The following ADCY3 variants were observed in gnomAD, a reference collection of about 807,000 sequenced individuals.
The protein encoded by ADCY3 is adenylate cyclase 3, also known as adenylate cyclase type 3.
ADCY3 carries 70 observed loss-of-function variants against 119.4 expected under a neutral mutation model. That is an observed-to-expected ratio of 0.59 (90% confidence interval 0.48 to 0.72). ADCY3 has a LOEUF of 0.72. Ranked by LOEUF, ADCY3 falls within the 30% of genes least tolerant of loss-of-function variation. The pLI, the probability that ADCY3 is intolerant of heterozygous loss-of-function variation, is 0.00. For synonymous variants in ADCY3, 672 were observed against 621.4 expected (o/e 1.08, Z -1.21); for missense variants, 1,238 against 1,541.6 (o/e 0.80, Z 3.30).
At chr2:24,879,106 C>T (rs1301886845) in intron 2 of ADCY3, among the ~76,000 whole-genome samples, 1 of 152,102 alleles carries the variant, frequency 6.6e-6, no homozygotes. Flanking sequence ...GGCTGTGTGC[C>T]CTGGAGCAAG....
chr2:24,842,398 G>A lies in ADCY3; in HGVS notation c.826-14C>T, dbSNP rs952802184. 4 of 1,613,962 alleles carry A rather than the reference G, an allele frequency of 2.5e-6. No homozygotes were observed. The African/African-American group carries it at 4.0e-5, about 16-fold the overall frequency. On this transcript the variant is annotated splice_polypyrimidine_tract_variant and intron_variant, in intron 3 of 21. Transcript: ENST00000679454. The surrounding 1 kb of genome is among the most constrained non-coding windows in gnomAD (Gnocchi z 4.9). ...CATGAGGTTCTCCTGTGAGGGGCAG[G>A]AGAGGGTCAGAGGCAAAGGTAGGCC...
intron 3 of ADCY3, among the ~76,000 whole-genome samples, chr2:24,857,766 G>A (rs967091524): frequency 2.0e-5 from 3 of 152,118 alleles, no homozygotes; most frequent in Non-Finnish European, 4.4e-5. Context: ...CAGCAACTCA[G>A]TACCACCCTG....
At chr2:24,875,238 A>C (rs982420346) in intron 2 of ADCY3, among the ~76,000 whole-genome samples, 2 of 152,192 alleles carry the variant, frequency 1.3e-5, no homozygotes. Context: ...AACTTGCCTC[A>C]ACTGAGGAGG....
chr2:24,862,633 C>T (rs1018020495), intron 3 of ADCY3, among the ~76,000 whole-genome samples: 5 of 151,592 alleles, frequency 3.3e-5, no homozygotes, highest in Admixed American at 2.0e-4. Context: ...GAAGATGTTG[C>T]GGAACTAGCT....
rs557596892 is a variant in ADCY3 at position 24,849,813 on chromosome 2, C to G, written c.826-7429G>C. ...GGAGGGGCCCTCCCCCTGCCACCCC[C>G]CAAGCCTCAGGGCCTCTGGCAACCG... is the stretch of plus-strand genomic sequence containing the variant. On this transcript the variant is annotated intron_variant, in intron 3 of 21. Transcript: ENST00000679454. Among the ~76,000 whole-genome samples the G allele has an allele frequency of 5.6e-4, 86 of 152,272 alleles. 2 individuals are homozygous for G. Among genetic ancestry groups the G allele is most frequent in the African/African-American group, 2.0e-3 (84 of 41,564 alleles).
chr2:24,828,045 G>A lies in ADCY3; in HGVS notation c.2289C>T (p.Ile763=), dbSNP rs750011135. ...TGACCTGCACCAGCATGATGGTGGC[G>A]ATGAGGGACAGCACGGCCACATAGT... The part of the protein sequence containing the change: ...YYNYVAVLSL[I]ATIMLVQVSH... Residue 763 remains isoleucine (I), a synonymous_variant, in exon 14 of 22, where the codon ATC becomes ATT. Coordinates refer to ENST00000679454, the MANE Select transcript of ADCY3 (RefSeq NM_004036.5). 6.8e-6 allele frequency: 11 copies of A among 1,614,230 alleles called. No homozygotes were observed. The highest frequency in any genetic ancestry group is 1.7e-5 in the Admixed American group (1 of 60,020).
chr2:24,829,523 C>G (rs1430189347), intron 13 of ADCY3, among the ~76,000 whole-genome samples: 4 of 146,240 alleles, frequency 2.7e-5, no homozygotes, highest in African/African-American at 7.6e-5. Context: ...CGGGTTCACG[C>G]CATTCTCCTG....
intron 3 of ADCY3, among the ~76,000 whole-genome samples, chr2:24,870,671 G>A (rs536479629): frequency 6.6e-6 from 1 of 152,186 alleles, no homozygotes; most frequent in African/African-American, 2.4e-5. Context: ...AGGAGCCCTG[G>A]GGCACCCAGG....
intron 2 of ADCY3, among the ~76,000 whole-genome samples, chr2:24,913,867 C>CGGAG (rs1664104250): frequency 6.6e-6 from 1 of 152,152 alleles, no homozygotes; most frequent in Non-Finnish European, 1.5e-5. Flanking sequence ...AATTTTGCTC[C>CGGAG]CAAATAGCCT....
intron 3 of ADCY3, among the ~76,000 whole-genome samples, chr2:24,847,960 G>A (rs1451122694): frequency 1.3e-5 from 2 of 152,258 alleles, no homozygotes; most frequent in East Asian, 1.9e-4. Context: ...CGGCCCTGGT[G>A]TGCTTGAGGC....
chr2:24,872,349 A>C lies in ADCY3; in HGVS notation c.825+221T>G, dbSNP rs757075545. ...AGGCAGAAGAGGAGAGATCTGGGTC[A>C]AGCAGAAGCAGATTTAGGAGTGAGA... is the stretch of plus-strand genomic sequence containing the variant. On this transcript the variant is annotated intron_variant, in intron 3 of 21. Coordinates refer to ENST00000679454, the MANE Select transcript of ADCY3 (RefSeq NM_004036.5). This position sits in a 1 kb window ranked among gnomAD's most constrained non-coding sequence, Gnocchi z 4.4. Among the ~76,000 whole-genome samples the C allele has an allele frequency of 2.0e-5, 3 of 152,238 alleles. No individual in the cohort carries two copies. The highest frequency in any genetic ancestry group is 4.4e-5 in the Non-Finnish European group (3 of 68,038).
intron 2 of ADCY3, among the ~76,000 whole-genome samples, chr2:24,902,034 CTGTGTGTGTGTGTGTG>C (rs57980321): frequency 0.032 from 3,894 of 122,322 alleles, 186 homozygotes; most frequent in African/African-American, 0.11. Flanking sequence ...CATTTTAACT[CTGTGTGTGTGTGTGTG>C]TGTGTGTGTG....
At chr2:24,893,645 C>CAG (rs1485737936) in intron 2 of ADCY3, among the ~76,000 whole-genome samples, 1 of 151,892 alleles carries the variant, frequency 6.6e-6, no homozygotes, top group Non-Finnish European at 1.5e-5. Flanking sequence ...CACTCTGTCG[C>CAG]CCAGGCTGGA....
rs762088130 is a variant in ADCY3, at chr2:24,918,811, C to T, written c.177G>A (p.Pro59=). Residue 59 remains proline (P), a synonymous_variant, in exon 2 of 22, where the codon CCG becomes CCA. Coordinates refer to ENST00000679454, the MANE Select transcript of ADCY3 (RefSeq NM_004036.5). This position sits in a 1 kb window ranked among gnomAD's most constrained non-coding sequence, Gnocchi z 5.4. ...LPRFMRLTFV[P]ESLENLYQTY... is the part of the protein sequence containing the mutation. ...TCTGGTAGAGGTTCTCCAAGGACTC[C>T]GGCACGAAAGTCAGCCGCATGAAGC... The T allele has an allele frequency of 3.7e-6, 6 of 1,613,648 alleles. No individual in the cohort carries two copies. The highest frequency in any genetic ancestry group is 1.3e-5 in the African/African-American group (1 of 74,918).
chr2:24,836,089 G>T lies in ADCY3; in HGVS notation c.1662+828C>A, dbSNP rs374289356. On this transcript the variant is annotated intron_variant, in intron 9 of 21. Transcript: ENST00000679454. ...GCAGCAGCGGGAACCTGTTCCTGAA[G>T]CAGATCCGGGAGCAGCGTGGCCCTG... Among the ~76,000 whole-genome samples the T allele has an allele frequency of 7.2e-5, 11 of 152,284 alleles. No homozygotes were observed. The South Asian group carries it at 2.3e-3, about 32-fold the overall frequency.
intron 13 of ADCY3, 82 bp from the exon 14 acceptor site, chr2:24,828,243 A>C: frequency 6.6e-7 from 1 of 1,524,632 alleles, no homozygotes; most frequent in African/African-American, 1.4e-5. Flanking sequence ...ATGGTAGTGC[A>C]CGCTCAGCTG....
At chr2:24,879,037 G>A (rs1286771522) in intron 2 of ADCY3, among the ~76,000 whole-genome samples, 1 of 152,212 alleles carries the variant, frequency 6.6e-6, no homozygotes, top group Non-Finnish European at 1.5e-5. Context: ...ACTGGCAGAT[G>A]GAGGGGCGGG....
At chr2:24,885,193 T>G (rs898082568) in intron 2 of ADCY3, among the ~76,000 whole-genome samples, 1 of 152,190 alleles carries the variant, frequency 6.6e-6, no homozygotes, top group African/African-American at 2.4e-5. Context: ...AGGTGCTCAC[T>G]TCACCCTCAC....
intron 2 of ADCY3, among the ~76,000 whole-genome samples, chr2:24,889,087 C>T (rs1677394280): frequency 6.6e-6 from 1 of 152,240 alleles, no homozygotes; most frequent in South Asian, 2.1e-4. Flanking sequence ...CTTCTGCTAA[C>T]ACTATCTTCA....
Sources: allele counts gnomAD v4.1 joint callset (sites outside exome capture counted in the v4.1 genomes callset), GRCh38; gene constraint gnomAD v4.1.1; non-coding constraint Gnocchi (gnomAD v3.1); transcripts MANE v1.5; gene names NCBI Gene and HGNC (gene_info 2026-07-23, HGNC 2026-07-21).